The following BEAN1 variants were observed in gnomAD, a reference collection of about 807,000 sequenced individuals.
BEAN1 encodes the protein protein BEAN1.
BEAN1 carries 17 observed loss-of-function variants against 17.7 expected under a neutral mutation model. That is an observed-to-expected ratio of 0.96 (90% CI 0.66 to 1.44). The LOEUF is 1.44. Ranked by LOEUF, BEAN1 falls within the 40% of genes most tolerant of loss-of-function variation. The pLI is 0.00. For missense variants in BEAN1, 359 were observed against 374.1 expected, an observed-to-expected ratio of 0.96 and a Z score of 0.33; for synonymous variants, 142 against 151.8, an observed-to-expected ratio of 0.94 and a Z score of 0.47.
At chr16:66,438,075 T>G in intron 2 of BEAN1, 1 of 328,212 alleles carries the variant, frequency 3.0e-6, no homozygotes, top group South Asian at 3.5e-5. Flanking sequence ...CTGCAAGACT[T>G]TCCTGAGCTT....
exon 5 of BEAN1, chr16:66,493,283 G>A (rs1446221468): frequency 1.4e-6 from 1 of 702,464 alleles, no homozygotes; most frequent in Non-Finnish European, 2.6e-6. Flanking sequence ...GCCAGGCCCA[G>A]GTTCCGGGGG....
chr16:66,451,591 G>C (rs1280732591), intron 2 of BEAN1, among the ~76,000 whole-genome samples: 2 of 152,198 alleles, frequency 1.3e-5, no homozygotes, highest in Non-Finnish European at 2.9e-5. Context: ...TCTAGGGAAT[G>C]TCTTTAAATT....
At chr16:66,454,657 T>C (rs2142404792) in intron 2 of BEAN1, among the ~76,000 whole-genome samples, 1 of 152,234 alleles carries the variant, frequency 6.6e-6, no homozygotes, top group Admixed American at 6.5e-5. Context: ...CTTGTCTTTT[T>C]ATTTACTCTG....
intron 2 of BEAN1, among the ~76,000 whole-genome samples, chr16:66,439,425 G>C (rs1420905414): frequency 2.0e-5 from 3 of 152,172 alleles, no homozygotes; most frequent in Non-Finnish European, 4.4e-5. Context: ...CTATCTTCTG[G>C]CCAGGCAGGA....
intron 2 of BEAN1, among the ~76,000 whole-genome samples, chr16:66,461,365 C>T (rs558881169): frequency 6.6e-6 from 1 of 152,164 alleles, no homozygotes; most frequent in Non-Finnish European, 1.5e-5. Flanking sequence ...TCCAAGCAGG[C>T]GGATGCCTGC....
At chr16:66,445,759 G>A (rs6499086) in intron 2 of BEAN1, among the ~76,000 whole-genome samples, 152,076 of 152,270 alleles carry the variant, frequency 1, 75,941 homozygotes, top group Middle Eastern at 1. Flanking sequence ...CTTGGAAGCC[G>A]TGGGAGGACT....
intron 2 of BEAN1, among the ~76,000 whole-genome samples, chr16:66,463,192 T>C (rs1963146877): frequency 6.6e-6 from 1 of 152,198 alleles, no homozygotes. Flanking sequence ...ATGTGATAAT[T>C]ATGTTTAACC....
intron 4 of BEAN1, among the ~76,000 whole-genome samples, chr16:66,490,473 C>G (rs969272299): frequency 1.2e-5 from 1 of 86,032 alleles, no homozygotes; most frequent in Non-Finnish European, 3.0e-5. Flanking sequence ...AAAAAGAAAC[C>G]TCTAAATTGA....
chr16:66,479,826 T>G (rs1963916532), intron 4 of BEAN1, among the ~76,000 whole-genome samples: 1 of 152,120 alleles, frequency 6.6e-6, no homozygotes, highest in African/African-American at 2.4e-5. Context: ...GAGGGCCCTG[T>G]GCCTGTGATC....
At chr16:66,490,218 TAAAAAAA>T (rs774079713) in intron 4 of BEAN1, among the ~76,000 whole-genome samples, 50 of 43,638 alleles carry the variant, frequency 1.1e-3, no homozygotes, top group African/African-American at 4.3e-3. Context: ...CCATCTCTAC[TAAAAAAA>T]AAAAAAAAAA....
chr16:66,429,020 C>G lies in BEAN1; in HGVS notation c.-83+1589C>G, dbSNP rs528822408. 7.2e-5 allele frequency among the ~76,000 whole-genome samples: 11 copies of G among 152,260 alleles called. No individual in the cohort carries two copies. In the South Asian group the frequency reaches 2.3e-3, roughly 32 times the overall value. ...TTTCCTCCTTGCCCTTAGCTGATGT[C>G]CGCTGCCCCAGAGAGGGGCACCCAC... is the stretch of plus-strand genomic sequence containing the variant. On this transcript the variant is annotated intron_variant, in intron 1 of 4. Coordinates refer to ENST00000536005, the MANE Select transcript of BEAN1 (RefSeq NM_001178020.3).
At chr16:66,480,292 G>A (rs1309845814) in intron 4 of BEAN1, among the ~76,000 whole-genome samples, 2 of 152,182 alleles carry the variant, frequency 1.3e-5, no homozygotes, top group East Asian at 1.9e-4. Context: ...ATGCTCCCTA[G>A]ACAGTGGCCA....
chr16:66,469,779 A>C lies in BEAN1; in HGVS notation c.203A>C (p.Gln68Pro). The C allele has an allele frequency of 6.5e-7, 1 of 1,535,874 alleles. No homozygotes were observed. The highest frequency in any genetic ancestry group is 8.7e-7 in the Non-Finnish European group (1 of 1,146,864). Residue 68 changes from glutamine to proline, a missense_variant, in exon 3 of 5, where the codon CAG (glutamine) becomes CCG (proline). By Grantham distance (76) the Gln-to-Pro change is moderately conservative (BLOSUM62 -1). Transcript: ENST00000536005. ...SIRRDRQARL[Q>P]RHRHRHHRHH... ...CGCAGGGACAGGCAGGCCCGGCTTC[A>C]GCGGCACCGCCACCGCCACCACCGC...
chr16:66,454,829 A>T (rs1366903449), intron 2 of BEAN1, among the ~76,000 whole-genome samples: 1 of 151,162 alleles, frequency 6.6e-6, no homozygotes, highest in Non-Finnish European at 1.5e-5. Context: ...AAGAAACAAG[A>T]AAGTGTGATC....
At chr16:66,454,536 A>T (rs1962792865) in intron 2 of BEAN1, among the ~76,000 whole-genome samples, 2 of 152,272 alleles carry the variant, frequency 1.3e-5, no homozygotes, top group South Asian at 4.1e-4. Flanking sequence ...GCCTGATATC[A>T]GCATAACCAC....
rs35852297 is a variant in BEAN1, at chr16:66,469,744, G to A, written c.168G>A (p.Val56=). 3 of 1,536,182 alleles carry A rather than the reference G, an allele frequency of 2.0e-6. No homozygotes were observed. Among genetic ancestry groups the A allele is most frequent in the Non-Finnish European group, 2.6e-6 (3 of 1,146,900 alleles). ...TCCTCTCCTGCATCACCATCATTGT[G>A]GGCAGCATCCGCAGGGACAGGCAGG... ...VIILSCITII[V]GSIRRDRQAR... Residue 56 remains valine, a synonymous_variant, in exon 3 of 5, where the codon GTG becomes GTA. Transcript: ENST00000536005.
At chr16:66,466,156 G>T (rs781596456) in intron 2 of BEAN1, among the ~76,000 whole-genome samples, 2 of 152,168 alleles carry the variant, frequency 1.3e-5, no homozygotes, top group African/African-American at 4.8e-5. Context: ...TGGGCCGGGC[G>T]TGGTGGCTCA....
intron 3 of BEAN1, among the ~76,000 whole-genome samples, chr16:66,477,219 G>A (rs1196236983): frequency 2.0e-5 from 3 of 152,134 alleles, no homozygotes; most frequent in African/African-American, 7.2e-5. Context: ...CTTCCAGACT[G>A]GTCAGGCCTG....
intron 2 of BEAN1, among the ~76,000 whole-genome samples, chr16:66,457,360 T>C (rs574606950): frequency 5.3e-5 from 8 of 152,152 alleles, no homozygotes; most frequent in Non-Finnish European, 8.8e-5. Flanking sequence ...GATTGTTGAA[T>C]AGGGACTGAT....
Sources: allele counts gnomAD v4.1 joint callset (sites outside exome capture counted in the v4.1 genomes callset), GRCh38; gene constraint gnomAD v4.1.1; transcripts MANE v1.5; gene names NCBI Gene and HGNC (gene_info 2026-07-23, HGNC 2026-07-21).